The following SERPINA3 variants were observed in gnomAD, a reference collection of about 807,000 sequenced individuals.
The protein encoded by SERPINA3 is serpin family A member 3.
A neutral mutation model predicts 26.8 loss-of-function variants in SERPINA3; 32 were observed. The ratio of observed to expected loss-of-function variants is 1.20; its 90% CI spans 0.90 to 1.61. SERPINA3 has a LOEUF of 1.61. Ranked by LOEUF, SERPINA3 falls within the 40% of genes most tolerant of loss-of-function variation. SERPINA3 has a pLI of 0.00. For missense variants in SERPINA3, 632 were observed against 517.9 expected (o/e 1.22, Z -2.14); for synonymous variants, 252 against 206.4 (o/e 1.22, Z -1.89).
At chr14:94,621,031 A>T (rs192724937) in intron 3 of SERPINA3, among the ~76,000 whole-genome samples, 102 of 152,254 alleles carry the variant, frequency 6.7e-4, no homozygotes, top group Middle Eastern at 3.4e-3. Flanking sequence ...GAGGTATTGT[A>T]TGTTGAAGCC....
chr14:94,623,972 G>C lies in SERPINA3; in HGVS notation c.*158G>C, dbSNP rs1886303445. 3 of 711,886 alleles carry C rather than the reference G, an allele frequency of 4.2e-6. No homozygotes were observed. Among genetic ancestry groups the C allele is most frequent in the Admixed American group, 4.0e-5 (2 of 49,922 alleles). The allele number at this position is 711,886 out of a possible 1,614,324, so 44.1% of individuals were successfully genotyped here. On this transcript the variant is annotated 3_prime_UTR_variant, in exon 5 of 5. Transcript: ENST00000393078. ...GAAGGTGACAGCGATTCCCTGTGTA[G>C]CTCTCACATGCACAGGGGCCCATGG...
chr14:94,623,351 C>T (rs1410161670), intron 4 of SERPINA3, among the ~76,000 whole-genome samples: 1 of 152,188 alleles, frequency 6.6e-6, no homozygotes, highest in African/African-American at 2.4e-5. Context: ...CAAAGGGATG[C>T]ATATGAGGTG....
rs1460603050 is a variant in SERPINA3, at chr14:94,623,907, G to A, written c.*93G>A. On this transcript the variant is annotated 3_prime_UTR_variant, in exon 5 of 5. Transcript: ENST00000393078. ...GGGCACAGCCTGGCCCCTGTGCACC[G>A]AGTGGCCATGGCATGTGTGGCCCTG... 4.3e-5 allele frequency: 47 copies of A among 1,100,030 alleles called. No homozygotes were observed. The highest frequency in any genetic ancestry group is 6.1e-5 in the Non-Finnish European group (44 of 722,022). 68.1% of individuals were successfully genotyped at this position (1,100,030 alleles called of 1,614,324 possible). A position where few individuals can be genotyped will look rare whatever the true frequency, so the allele number is the denominator to read the frequency against.
At chr14:94,623,463 G>C in intron 4 of SERPINA3, 148 bp from the exon 5 acceptor site, 1 of 750,450 alleles carries the variant, frequency 1.3e-6, no homozygotes, top group Non-Finnish European at 2.4e-6. Flanking sequence ...GTTGGCAGGG[G>C]AGTTGGGAGG....
chr14:94,619,601 T>A, intron 3 of SERPINA3, 133 bp downstream of exon 3: 1 of 1,112,138 alleles, frequency 9.0e-7, no homozygotes, highest in Non-Finnish European at 1.3e-6. Flanking sequence ...TGCCCTATGC[T>A]GCCTACATGG....
At chr14:94,617,992 A>T (rs1827342605) in intron 2 of SERPINA3, 1 of 152,124 alleles carries the variant, frequency 6.6e-6, no homozygotes, top group South Asian at 2.1e-4. Flanking sequence ...CTATGGCTGT[A>T]TTGGCTTACA....
intron 2 of SERPINA3, chr14:94,618,364 G>A (rs1177807353): frequency 1.3e-5 from 2 of 152,172 alleles, no homozygotes; most frequent in African/African-American, 4.8e-5. Context: ...AGAGGTACCA[G>A]AGGCAGTTTC....
In SERPINA3 at chr14:94,623,630, T is replaced by G; in HGVS notation, c.1088T>G (p.Leu363Arg). 1 of 1,614,158 alleles carries G rather than the reference T, an allele frequency of 6.2e-7. No individual in the cohort carries two copies. The highest frequency in any genetic ancestry group is 1.1e-5 in the South Asian group (1 of 91,080). Residue 363 changes from leucine (L) to arginine (R), a missense_variant, in exon 5 of 5, where the codon CTT (leucine) becomes CGT (arginine). By Grantham distance (102) the Leu-to-Arg change is moderately radical. Transcript: ENST00000393078. Reference protein sequence around the residue: ...AVSQVVHKAVLDVFEEGTEAS... With the variant: ...AVSQVVHKAVRDVFEEGTEAS... ...CCACAGGTGGTCCATAAGGCTGTGCTTGATGTATTTGAGGAGGGCACAGAA... is the reference window on the plus strand; with the variant it reads ...CCACAGGTGGTCCATAAGGCTGTGCGTGATGTATTTGAGGAGGGCACAGAA...
Position 94,619,385 on chromosome 14 carries a change from C to G in SERPINA3, c.834C>G (p.Leu278=). The change falls in exon 3 of 5, where the codon CTC becomes CTG. Residue 278 remains leucine, a synonymous_variant. Coordinates refer to ENST00000393078, the MANE Select transcript of SERPINA3 (RefSeq NM_001085.5). ...YTGNASALFI[L]PDQDKMEEVE... is the part of the protein sequence containing the mutation. The stretch of plus-strand genomic sequence containing the variant: ...GCAATGCCAGCGCACTCTTCATCCT[C>G]CCTGATCAAGACAAGATGGAGGAAG... The G allele has an allele frequency of 6.2e-7, 1 of 1,614,148 alleles. No individual in the cohort carries two copies. The highest frequency in any genetic ancestry group is 8.5e-7 in the Non-Finnish European group (1 of 1,179,996).
At chr14:94,622,294 G>T in intron 3 of SERPINA3, 47 bp from the exon 4 acceptor site, 1 of 1,602,370 alleles carries the variant, frequency 6.2e-7, no homozygotes, top group South Asian at 1.1e-5. Context: ...AGGCAGGTAG[G>T]TACTGATCAG....
At chr14:94,622,594 G>T (rs1042540276) in intron 4 of SERPINA3, 103 bp downstream of exon 4, 2 of 1,294,674 alleles carry the variant, frequency 1.5e-6, no homozygotes, top group Non-Finnish European at 1.1e-6. Flanking sequence ...TAATGCACGT[G>T]CATTTCTCAT....
chr14:94,613,484 G>A (rs1298626162), intron 1 of SERPINA3: 1 of 152,192 alleles, frequency 6.6e-6, no homozygotes, highest in Non-Finnish European at 1.5e-5. Context: ...GGGTAGTATG[G>A]GAGGTGGTGA....
chr14:94,619,252 G>A lies in SERPINA3; in HGVS notation c.701G>A (p.Ser234Asn). The A allele has an allele frequency of 6.2e-7, 1 of 1,613,854 alleles. No homozygotes were observed. Among genetic ancestry groups the A allele is most frequent in the Admixed American group, 1.7e-5 (1 of 60,008 alleles). The change falls in exon 3 of 5, where the codon AGC becomes AAC. Residue 234 changes from serine to asparagine, a missense_variant. Physicochemically the swap from Ser to Asn is conservative, Grantham distance 46. Coordinates refer to ENST00000393078, the MANE Select transcript of SERPINA3 (RefSeq NM_001085.5). ...ACTCATCAGTCAAGGTTCTACTTGA[G>A]CAAGAAAAAGTGGGTAATGGTGCCC... is the stretch of plus-strand genomic sequence containing the variant. ...QDTHQSRFYL[S>N]KKKWVMVPMM...
intron 2 of SERPINA3, 153 bp from the exon 3 acceptor site, chr14:94,619,042 C>A: frequency 1.2e-6 from 1 of 816,286 alleles, no homozygotes. Flanking sequence ...CTCCCTCACC[C>A]CCAATAACTT....
In SERPINA3 at chr14:94,623,657, C is replaced by G. The variant is rs1199712965; in HGVS notation, c.1115C>G (p.Ala372Gly). Reference sequence around the variant, plus strand: ...GATGTATTTGAGGAGGGCACAGAAGCATCTGCTGCCACAGCAGTCAAAATC... The same window carrying G: ...GATGTATTTGAGGAGGGCACAGAAGGATCTGCTGCCACAGCAGTCAAAATC... The part of the protein sequence containing the change: ...VLDVFEEGTE[A>G]SAATAVKITL... Residue 372 changes from alanine to glycine, a missense_variant, in exon 5 of 5, where the codon GCA becomes GGA. Ala to Gly is a moderately conservative substitution (Grantham distance 60). Coordinates refer to ENST00000393078, the MANE Select transcript of SERPINA3 (RefSeq NM_001085.5). 3 of 1,614,180 alleles carry G rather than the reference C, an allele frequency of 1.9e-6. No homozygotes were observed. The highest frequency in any genetic ancestry group is 2.5e-6 in the Non-Finnish European group (3 of 1,180,014).
intron 2 of SERPINA3, chr14:94,615,456 G>A: frequency 2.2e-6 from 1 of 462,292 alleles, no homozygotes; most frequent in South Asian, 1.5e-5. Context: ...ACTAGGCCAG[G>A]AAGTCCCTCT....
intron 3 of SERPINA3, 183 bp downstream of exon 3, chr14:94,619,651 A>G: frequency 1.4e-6 from 1 of 699,846 alleles, no homozygotes; most frequent in East Asian, 2.7e-5. Context: ...TAAGACAATG[A>G]CATCAGACAG....
intron 2 of SERPINA3, among the ~76,000 whole-genome samples, chr14:94,615,742 C>T (rs1885971321): frequency 6.6e-6 from 1 of 152,240 alleles, no homozygotes; most frequent in African/African-American, 2.4e-5. Flanking sequence ...GTATACAAAA[C>T]ATGACCCTTT....
rs888773121 is a variant in SERPINA3 at position 94,617,012 on chromosome 14, G to T, written c.643+1928G>T. Among the ~76,000 whole-genome samples the T allele has an allele frequency of 7.2e-5, 11 of 152,172 alleles. 1 individual carries two copies. The highest frequency in any genetic ancestry group is 7.2e-4 in the Admixed American group (11 of 15,282). Reference sequence around the variant, plus strand: ...TCTCTCTCCCCATTCTGGCATACAAGGCAGCAGTCAGGGTCCCCAGAGGCA... The same window carrying T: ...TCTCTCTCCCCATTCTGGCATACAATGCAGCAGTCAGGGTCCCCAGAGGCA... On this transcript the variant is annotated intron_variant, in intron 2 of 4. Transcript: ENST00000393078.
Sources: allele counts gnomAD v4.1 joint callset (sites outside exome capture counted in the v4.1 genomes callset), GRCh38; gene constraint gnomAD v4.1.1; transcripts MANE v1.5; gene names NCBI Gene and HGNC (gene_info 2026-07-23, HGNC 2026-07-21).